ESRRG: variants seen among roughly 807,000 people sequenced by gnomAD.
ESRRG encodes estrogen related receptor gamma.
Under a neutral mutation model 44.0 loss-of-function variants are expected in ESRRG, and 13 were observed. The ratio of observed to expected loss-of-function variants is 0.30; its 90% confidence interval spans 0.19 to 0.47. The LOEUF (loss-of-function observed/expected upper bound fraction) is 0.47. ESRRG is among the 20% of genes least tolerant of loss of function. The pLI, the probability that ESRRG is intolerant of heterozygous loss-of-function variation, is 1.00. For missense variants in ESRRG, 395 were observed against 580.6 expected (o/e 0.68, Z 3.29); for synonymous variants, 215 against 214.6 (o/e 1.00, Z -0.02).
chr1:217,094,178 C>T (rs2092391741), upstream of ESRRG, among the ~76,000 whole-genome samples: 1 of 152,184 alleles, frequency 6.6e-6, no homozygotes, highest in African/African-American at 2.4e-5. Flanking sequence ...AGCCACTGCA[C>T]CCAGACCCCA....
intron 2 of ESRRG, among the ~76,000 whole-genome samples, chr1:216,925,669 G>A (rs776040233): frequency 6.7e-6 from 1 of 149,722 alleles, no homozygotes; most frequent in African/African-American, 2.5e-5. Flanking sequence ...GGGTCTGCTC[G>A]GCTGGGTGTG....
chr1:216,736,858 A>T (rs1360363410), intron 2 of ESRRG, among the ~76,000 whole-genome samples: 1 of 152,190 alleles, frequency 6.6e-6, no homozygotes, highest in Non-Finnish European at 1.5e-5. Context: ...GGACATGCCA[A>T]GATGTGAGAA....
intron 1 of ESRRG, among the ~76,000 whole-genome samples, chr1:216,985,182 G>A (rs1206791905): frequency 6.6e-6 from 1 of 152,142 alleles, no homozygotes; most frequent in Non-Finnish European, 1.5e-5. Flanking sequence ...ATATTTCTAA[G>A]TATCAGAGGC....
chr1:217,132,402 T>TA (rs1165123088), intron 1 of ESRRG, among the ~76,000 whole-genome samples: 3 of 152,134 alleles, frequency 2.0e-5, no homozygotes, highest in African/African-American at 7.2e-5. Context: ...GCCATGCTGG[T>TA]AGAGAAGGAA....
chr1:217,057,019 G>A (rs956263244), intron 1 of ESRRG, among the ~76,000 whole-genome samples: 2 of 152,150 alleles, frequency 1.3e-5, no homozygotes, highest in Non-Finnish European at 2.9e-5. Flanking sequence ...GGGCACATGG[G>A]AAGGAGGACT....
intron 1 of ESRRG, among the ~76,000 whole-genome samples, chr1:216,986,486 G>A (rs2074893418): frequency 6.6e-6 from 1 of 151,974 alleles, no homozygotes; most frequent in South Asian, 2.1e-4. Context: ...GGCGAAGGTG[G>A]GCAGATCTCT....
At chr1:217,018,025 A>G (rs1320351943) in intron 1 of ESRRG, among the ~76,000 whole-genome samples, 4 of 152,226 alleles carry the variant, frequency 2.6e-5, no homozygotes, top group Non-Finnish European at 5.9e-5. Flanking sequence ...ACGAATTTAA[A>G]AATAAAAACC....
At chr1:216,755,115 A>T (rs889931108) in intron 2 of ESRRG, among the ~76,000 whole-genome samples, 8 of 152,050 alleles carry the variant, frequency 5.3e-5, no homozygotes, top group Admixed American at 1.3e-4. Flanking sequence ...TTCCAAAGCA[A>T]TTCATGATTT....
chr1:217,073,868 A>G (rs1163466777), intron 1 of ESRRG, among the ~76,000 whole-genome samples: 2 of 152,170 alleles, frequency 1.3e-5, no homozygotes, highest in Admixed American at 6.5e-5. Flanking sequence ...TGAGACCCTT[A>G]GATTTCAAGA....
At chr1:216,926,285 T>C (rs1167549461) in intron 2 of ESRRG, among the ~76,000 whole-genome samples, 1 of 152,024 alleles carries the variant, frequency 6.6e-6, no homozygotes, top group Non-Finnish European at 1.5e-5. Context: ...CTCTCATAAC[T>C]GAGTAAAAAA....
chr1:216,773,850 T>C (rs1368398396), intron 2 of ESRRG, among the ~76,000 whole-genome samples: 1 of 152,088 alleles, frequency 6.6e-6, no homozygotes, highest in East Asian at 1.9e-4. Flanking sequence ...CAGCCCCTGA[T>C]GGGTTCCTTG....
chr1:216,530,272 A>G, intron 5 of ESRRG, among the ~76,000 whole-genome samples: 1 of 128,684 alleles, frequency 7.8e-6, no homozygotes, highest in African/African-American at 3.0e-5. Context: ...GCTGTAGTGA[A>G]TTAACATTAA....
intron 1 of ESRRG, among the ~76,000 whole-genome samples, chr1:216,709,341 G>A (rs1010429336): frequency 1.4e-4 from 6 of 42,768 alleles, no homozygotes; most frequent in African/African-American, 2.4e-4. Context: ...GTGTGTGTGT[G>A]TGTATATATA....
chr1:216,747,013 G>T (rs1389391084), intron 2 of ESRRG, among the ~76,000 whole-genome samples: 3 of 152,068 alleles, frequency 2.0e-5, no homozygotes, highest in Non-Finnish European at 4.4e-5. Context: ...CCTCATCAAA[G>T]AACTCATAAA....
intron 2 of ESRRG, among the ~76,000 whole-genome samples, chr1:216,817,926 C>CT (rs5780930): frequency 0.26 from 39,299 of 148,724 alleles, 5,287 homozygotes; most frequent in East Asian, 0.48. Context: ...TTCTTCAGGG[C>CT]TTTTTTTTTT....
At chr1:216,749,147 A>ATTTTTTTT (rs34684564) in intron 2 of ESRRG, among the ~76,000 whole-genome samples, 1 of 148,936 alleles carries the variant, frequency 6.7e-6, no homozygotes, top group Non-Finnish European at 1.5e-5. Flanking sequence ...GTGTCTAAAT[A>ATTTTTTTT]TTTTTTTTTT....
chr1:216,989,518 T>C (rs535385356), intron 1 of ESRRG, among the ~76,000 whole-genome samples: 1 of 150,132 alleles, frequency 6.7e-6, no homozygotes, highest in Non-Finnish European at 1.5e-5. Context: ...CATCAACCAA[T>C]AGGTGAAAAT....
chr1:216,766,482 TA>T (rs1333840418), intron 2 of ESRRG, among the ~76,000 whole-genome samples: 3 of 151,680 alleles, frequency 2.0e-5, no homozygotes, highest in African/African-American at 7.3e-5. Flanking sequence ...ATTACTAAGA[TA>T]AAAAAAGAAA....
At chr1:216,986,926 C>T (rs554698913) in intron 1 of ESRRG, among the ~76,000 whole-genome samples, 1 of 152,026 alleles carries the variant, frequency 6.6e-6, no homozygotes, top group Non-Finnish European at 1.5e-5. Flanking sequence ...ACATTTTAAA[C>T]CATCAATAAT....
Sources: allele counts gnomAD v4.1 joint callset (sites outside exome capture counted in the v4.1 genomes callset), GRCh38; gene constraint gnomAD v4.1.1; transcripts MANE v1.5; gene names NCBI Gene and HGNC (gene_info 2026-07-23, HGNC 2026-07-21).